UTS2R: variants seen among roughly 807,000 people sequenced by gnomAD.
The protein encoded by UTS2R is urotensin 2 receptor, also known as urotensin-2 receptor.
For missense variants in UTS2R, 653 were observed against 562.2 expected (o/e 1.16, Z -1.63); for synonymous variants, 335 against 280.9 (o/e 1.19, Z -1.93).
rs901251927 is a variant in UTS2R, at chr17:82,374,621, G to A, written c.297G>A (p.Leu99=). 1.9e-6 allele frequency: 3 copies of A among 1,612,286 alleles called. No individual in the cohort carries two copies. The highest frequency in any genetic ancestry group is 3.3e-5 in the Admixed American group (2 of 59,844). ...TCAACCTGGCGCTGGCCGACCTGCT[G>A]TACCTGCTCAGCATCCCCTTCATCG... ...YVVNLALADL[L]YLLSIPFIVA... Residue 99 remains leucine, a synonymous_variant, in exon 3 of 3, where the codon CTG becomes CTA. Transcript: ENST00000313135.
chr17:82,377,404 T>C lies in UTS2R; in HGVS notation c.*1910T>C, dbSNP rs1316486426. Among the ~76,000 whole-genome samples, 1 of 148,752 alleles carries C rather than the reference T, an allele frequency of 6.7e-6. No homozygotes were observed. The highest frequency in any genetic ancestry group is 2.1e-4 in the South Asian group (1 of 4,722). On this transcript the variant is annotated 3_prime_UTR_variant, in exon 3 of 3. Transcript: ENST00000313135. ...GTTTATCTGCTGACCTTCCCTCCAC[T>C]ATTGTCCTATGACCCTGCCAAATCC...
intron 2 of UTS2R, among the ~76,000 whole-genome samples, chr17:82,373,375 C>T (rs2052463599): frequency 2.0e-5 from 3 of 152,032 alleles, no homozygotes; most frequent in Non-Finnish European, 2.9e-5. Flanking sequence ...TTGGCCAGGC[C>T]GGTTTCGAAC....
At position 82,375,916 on chromosome 17, in the gene UTS2R, C is replaced by T. The variant is rs144206398; in HGVS notation, c.*422C>T. The stretch of plus-strand genomic sequence containing the variant: ...AGCTGGCTTCCGTGTCCTGCCTAGG[C>T]GCGGGGGACGCCACATCTGAGGTGT... On this transcript the variant is annotated 3_prime_UTR_variant, in exon 3 of 3. Transcript: ENST00000313135. Among the ~76,000 whole-genome samples the T allele has an allele frequency of 3.9e-5, 6 of 152,342 alleles. No homozygotes were observed. Among genetic ancestry groups the T allele is most frequent in the Non-Finnish European group, 8.8e-5 (6 of 68,030 alleles).
chr17:82,373,792 T>C (rs2052465769), intron 2 of UTS2R, among the ~76,000 whole-genome samples: 1 of 152,174 alleles, frequency 6.6e-6, no homozygotes, highest in Non-Finnish European at 1.5e-5. Flanking sequence ...TTTTGCAATC[T>C]AAAGAAAACA....
chr17:82,377,225 G>A lies in UTS2R; in HGVS notation c.*1731G>A, dbSNP rs2052503848. On this transcript the variant is annotated 3_prime_UTR_variant, in exon 3 of 3. Coordinates refer to ENST00000313135, the MANE Select transcript of UTS2R (RefSeq NM_018949.3). ...CCACTCAGGGTTGAATGGATTAAGG[G>A]CGGTGCAAGATGTGCTTTGTTAAAC... Among the ~76,000 whole-genome samples the A allele has an allele frequency of 6.6e-6, 1 of 152,062 alleles. No homozygotes were observed.
rs11650469 is a variant in UTS2R, at chr17:82,372,800, A to G, written c.-83+17A>G. On this transcript the variant is annotated intron_variant, in intron 2 of 2. Coordinates refer to ENST00000313135, the MANE Select transcript of UTS2R (RefSeq NM_018949.3). ...TTATCTAAGGTACTAACCTGAGAGT[A>G]GAATTGCCGGGTGAGAAGGTATAGG... Among the ~76,000 whole-genome samples, 40,743 of 152,018 alleles carry G rather than the reference A, an allele frequency of 0.27. 5,780 individuals carry two copies. The highest frequency in any genetic ancestry group is 0.31 in the Non-Finnish European group (20,968 of 67,930).
In UTS2R at chr17:82,374,317, G is replaced by T. The variant is rs531785260; in HGVS notation, c.-8G>T. On this transcript the variant is annotated 5_prime_UTR_variant, in exon 3 of 3. Transcript: ENST00000313135. ...ACCCAGCCCTGAGCCCGTCGTGAGGGGTCAGAGATGGCGCTGACCCCCGAG... is the reference window on the plus strand; with the variant it reads ...ACCCAGCCCTGAGCCCGTCGTGAGGTGTCAGAGATGGCGCTGACCCCCGAG... 2 of 1,552,982 alleles carry T rather than the reference G, an allele frequency of 1.3e-6. No individual in the cohort carries two copies. Among genetic ancestry groups the T allele is most frequent in the South Asian group, 2.4e-5 (2 of 83,910 alleles).
At position 82,375,142 on chromosome 17, in the gene UTS2R, C is replaced by G; in HGVS notation, c.818C>G (p.Pro273Arg). Residue 273 changes from proline (P) to arginine (R), a missense_variant, in exon 3 of 3, where the codon CCC becomes CGC. By Grantham distance (103) the Pro-to-Arg change is moderately radical. Transcript: ENST00000313135. The part of the protein sequence containing the change: ...IVLLFWACFL[P>R]FWLWQLLAQY... ...CTGCTCTTCTGGGCCTGCTTCCTGC[C>G]CTTCTGGCTGTGGCAGCTGCTCGCC... 1 of 1,536,104 alleles carries G rather than the reference C, an allele frequency of 6.5e-7. No homozygotes were observed.
In UTS2R at chr17:82,374,606, G is replaced by A. The variant is rs200447131; in HGVS notation, c.282G>A (p.Ala94=). Reference sequence around the variant, plus strand: ...TGTACGTCTACGTGGTCAACCTGGCGCTGGCCGACCTGCTGTACCTGCTCA... The same window carrying A: ...TGTACGTCTACGTGGTCAACCTGGCACTGGCCGACCTGCTGTACCTGCTCA... ...ASMYVYVVNL[A]LADLLYLLSI... is the part of the protein sequence containing the mutation. The change falls in exon 3 of 3, where the codon GCG becomes GCA. Residue 94 remains alanine, a synonymous_variant. Coordinates refer to ENST00000313135, the MANE Select transcript of UTS2R (RefSeq NM_018949.3). 5 of 1,609,788 alleles carry A rather than the reference G, an allele frequency of 3.1e-6. No individual in the cohort carries two copies. Among genetic ancestry groups the A allele is most frequent in the African/African-American group, 1.3e-5 (1 of 74,882 alleles).
Position 82,374,963 on chromosome 17 carries a change from G to T in UTS2R, c.639G>T (p.Thr213=). 1 of 1,154,850 alleles carries T rather than the reference G, an allele frequency of 8.7e-7. No homozygotes were observed. Among genetic ancestry groups the T allele is most frequent in the Non-Finnish European group, 1.2e-6 (1 of 809,014 alleles). 71.5% of individuals were successfully genotyped at this position (1,154,850 alleles called of 1,614,324 possible). A position where few individuals can be genotyped will look rare whatever the true frequency, so the allele number is the denominator to read the frequency against. ...CGCGCGCCCACCGCGCCTACCTGAC[G>T]CTGCTCTTCGCCACCAGCATCGCGG... ...WGPRAHRAYL[T]LLFATSIAGP... The change falls in exon 3 of 3, where the codon ACG becomes ACT. Residue 213 remains threonine (T), a synonymous_variant. Coordinates refer to ENST00000313135, the MANE Select transcript of UTS2R (RefSeq NM_018949.3).
In UTS2R at chr17:82,375,381, C is replaced by A. The variant is rs866933964; in HGVS notation, c.1057C>A (p.Arg353Ser). The A allele has an allele frequency of 6.3e-7, 1 of 1,579,200 alleles. No individual in the cohort carries two copies. The highest frequency in any genetic ancestry group is 8.6e-7 in the Non-Finnish European group (1 of 1,169,072). Residue 353 changes from arginine (R) to serine (S), a missense_variant, in exon 3 of 3, where the codon CGC becomes AGC. Physicochemically the swap from Arg to Ser is moderately radical, Grantham distance 110. Transcript: ENST00000313135. ...PSLQPRARFQ[R>S]CSGRSLSSCS... ...CCTGCAGCCCCGCGCCCGCTTCCAGCGCTGTTCGGGCCGCTCCCTGTCTTC... is the reference window on the plus strand; with the variant it reads ...CCTGCAGCCCCGCGCCCGCTTCCAGAGCTGTTCGGGCCGCTCCCTGTCTTC...
rs780701478 is a variant in UTS2R at position 82,374,474 on chromosome 17, C to T, written c.150C>T (p.Ala50=). Residue 50 remains alanine, a synonymous_variant, in exon 3 of 3, where the codon GCC becomes GCT. Transcript: ENST00000313135. Reference sequence around the variant, plus strand: ...CCAGCTCCCTGGAGGACCTGGTGGCCACGGGCACCATTGGGACTCTGCTGT... The same window carrying T: ...CCAGCTCCCTGGAGGACCTGGTGGCTACGGGCACCATTGGGACTCTGCTGT... ...TEPSSLEDLV[A]TGTIGTLLSA... 26 of 1,595,180 alleles carry T rather than the reference C, an allele frequency of 1.6e-5. No individual in the cohort carries two copies. In the Admixed American group the frequency reaches 2.6e-4, roughly 16 times the overall value.
chr17:82,373,854 TG>T (rs2052466254), intron 2 of UTS2R, among the ~76,000 whole-genome samples: 1 of 152,216 alleles, frequency 6.6e-6, no homozygotes, highest in African/African-American at 2.4e-5. Flanking sequence ...CAGGAGTAAG[TG>T]GGCCCCACCT....
In UTS2R at chr17:82,375,619, T is replaced by G; in HGVS notation, c.*125T>G. 2.0e-6 allele frequency: 1 copy of G among 509,126 alleles called. No homozygotes were observed. Among genetic ancestry groups the G allele is most frequent in the Non-Finnish European group, 3.4e-6 (1 of 294,248 alleles). The allele number at this position is 509,126 out of a possible 1,614,324, so 31.5% of individuals were successfully genotyped here. ...CCTCCGTCCCCTTCTGGAAAGATCC[T>G]GCTCGCTTCCCCTCAGCGCCCTTCC... On this transcript the variant is annotated 3_prime_UTR_variant, in exon 3 of 3. Coordinates refer to ENST00000313135, the MANE Select transcript of UTS2R (RefSeq NM_018949.3).
At chr17:82,374,156 G>A (rs1043705462) in intron 2 of UTS2R, 87 bp from the exon 3 acceptor site, 2 of 608,958 alleles carry the variant, frequency 3.3e-6, no homozygotes, top group Admixed American at 3.0e-5. Context: ...GGGCACTGGG[G>A]AGCCCACGTG....
Position 82,376,784 on chromosome 17 carries a change from G to A in UTS2R, c.*1290G>A, listed in dbSNP as rs1219283826. Reference sequence around the variant, plus strand: ...CAAAAGGATCCCACTCCCCGACCTTGTCCCTCTGTTAAAATTGAAAGAGAC... The same window carrying A: ...CAAAAGGATCCCACTCCCCGACCTTATCCCTCTGTTAAAATTGAAAGAGAC... On this transcript the variant is annotated 3_prime_UTR_variant, in exon 3 of 3. Coordinates refer to ENST00000313135, the MANE Select transcript of UTS2R (RefSeq NM_018949.3). 1.3e-5 allele frequency among the ~76,000 whole-genome samples: 2 copies of A among 152,350 alleles called. No individual in the cohort carries two copies. The highest frequency in any genetic ancestry group is 2.1e-4 in the South Asian group (1 of 4,832).
chr17:82,374,261 A>T lies in UTS2R; in HGVS notation c.-64A>T. On this transcript the variant is annotated 5_prime_UTR_variant, in exon 3 of 3. Coordinates refer to ENST00000313135, the MANE Select transcript of UTS2R (RefSeq NM_018949.3). The stretch of plus-strand genomic sequence containing the variant: ...CCCACAGGCTGAGCTGGTTGCCCAC[A>T]GGGGCCCCCGCCCCATCTCAGGGAG... 7.4e-7 allele frequency: 1 copy of T among 1,347,574 alleles called. No individual in the cohort carries two copies. Among genetic ancestry groups the T allele is most frequent in the Non-Finnish European group, 9.9e-7 (1 of 1,012,758 alleles). The allele number at this position is 1,347,574 out of a possible 1,614,324, so 83.5% of individuals were successfully genotyped here. A position where few individuals can be genotyped will look rare whatever the true frequency, so the allele number is the denominator to read the frequency against.
At position 82,374,899 on chromosome 17, in the gene UTS2R, G is replaced by A. The variant is rs1441646716; in HGVS notation, c.575G>A (p.Arg192His). 2 of 1,221,462 alleles carry A rather than the reference G, an allele frequency of 1.6e-6. No homozygotes were observed. The highest frequency in any genetic ancestry group is 2.3e-6 in the Non-Finnish European group (2 of 858,228). The allele number at this position is 1,221,462 out of a possible 1,614,324, so 75.7% of individuals were successfully genotyped here. Residue 192 changes from arginine to histidine, a missense_variant, in exon 3 of 3, where the codon CGC becomes CAC. Transcript: ENST00000313135. ...GTGATGCTGGCCATGCGGCTGGTGC[G>A]CCGGGGTCCCAAGAGCCTGTGCCTG... Reference protein sequence around the residue: ...LPVMLAMRLVRRGPKSLCLPA... With the variant: ...LPVMLAMRLVHRGPKSLCLPA...
At position 82,376,524 on chromosome 17, in the gene UTS2R, A is replaced by G. The variant is rs9896915; in HGVS notation, c.*1030A>G. On this transcript the variant is annotated 3_prime_UTR_variant, in exon 3 of 3. Transcript: ENST00000313135. ...TGCCCGCTTGGTCCCTCCAGTGCCTACCCCTCAGTGGAGTGAGCACAGCTC... is the reference window on the plus strand; with the variant it reads ...TGCCCGCTTGGTCCCTCCAGTGCCTGCCCCTCAGTGGAGTGAGCACAGCTC... Among the ~76,000 whole-genome samples, 82,753 of 152,006 alleles carry G rather than the reference A, an allele frequency of 0.54. 22,619 individuals carry two copies. Among genetic ancestry groups the G allele is most frequent in the South Asian group, 0.67 (3,247 of 4,824 alleles).
Sources: allele counts gnomAD v4.1 joint callset (sites outside exome capture counted in the v4.1 genomes callset), GRCh38; gene constraint gnomAD v4.1.1; transcripts MANE v1.5; gene names NCBI Gene and HGNC (gene_info 2026-07-23, HGNC 2026-07-21).